KIF26B: variants seen among roughly 807,000 people sequenced by gnomAD.
KIF26B encodes kinesin family member 26B.
KIF26B carries 63 observed loss-of-function variants against 151.2 expected under a neutral mutation model. That is an observed-to-expected ratio of 0.42 (90% CI 0.34 to 0.51). The LOEUF (loss-of-function observed/expected upper bound fraction) is 0.51. Ranked by LOEUF, KIF26B falls within the 20% of genes least tolerant of loss-of-function variation. KIF26B has a pLI of 0.07. For synonymous variants in KIF26B, 1,357 were observed against 1,262.1 expected (o/e 1.08, Z -1.59); for missense variants, 2,813 against 2,913.6 (o/e 0.97, Z 0.79).
chr1:245,399,491 C>T (rs1046267729), intron 3 of KIF26B, among the ~76,000 whole-genome samples: 3 of 152,084 alleles, frequency 2.0e-5, no homozygotes, highest in African/African-American at 7.2e-5. Context: ...GTTGTCAATC[C>T]GACTTATTGC....
At chr1:245,596,290 A>C (rs2043335556) in intron 5 of KIF26B, among the ~76,000 whole-genome samples, 1 of 152,134 alleles carries the variant, frequency 6.6e-6, no homozygotes, top group Admixed American at 6.5e-5. Context: ...TCTCCTGTGG[A>C]CATTGAGTGC....
At chr1:245,268,154 A>G (rs77044508) in intron 2 of KIF26B, among the ~76,000 whole-genome samples, 4,638 of 152,038 alleles carry the variant, frequency 0.031, 86 homozygotes, top group African/African-American at 0.043. Context: ...GCTGGGTGAC[A>G]CAGCAGGACC....
rs368132676 is a variant in KIF26B, at chr1:245,393,413, T to C, written c.999+26046T>C. Reference sequence around the variant, plus strand: ...TTTGATACTTGGTTTTGTTTCATTCTGTTTCACTTTTATTCTTCCTGTATT... The same window carrying C: ...TTTGATACTTGGTTTTGTTTCATTCCGTTTCACTTTTATTCTTCCTGTATT... On this transcript the variant is annotated intron_variant, in intron 3 of 14. Coordinates refer to ENST00000407071, the MANE Select transcript of KIF26B (RefSeq NM_018012.4). 1.1e-4 allele frequency among the ~76,000 whole-genome samples: 16 copies of C among 152,360 alleles called. No individual in the cohort carries two copies. In the East Asian group the frequency reaches 2.9e-3, roughly 28 times the overall value.
chr1:245,523,094 A>G (rs964453409), intron 4 of KIF26B, among the ~76,000 whole-genome samples: 1 of 152,218 alleles, frequency 6.6e-6, no homozygotes, highest in Non-Finnish European at 1.5e-5. Flanking sequence ...ACTGTGGCAC[A>G]GGAAAGTTAA....
intron 4 of KIF26B, among the ~76,000 whole-genome samples, chr1:245,446,847 G>A (rs546787834): frequency 6.6e-6 from 1 of 152,232 alleles, no homozygotes; most frequent in Non-Finnish European, 1.5e-5. Context: ...GAAGCAAATC[G>A]TTACTGTGAT....
chr1:245,688,423 G>T lies in KIF26B; in HGVS notation c.5440G>T (p.Gly1814Cys). The stretch of plus-strand genomic sequence containing the variant: ...CGGGCGCATCTCGGAGCTGCTGCAG[G>T]GTGGCGCGGGCGCCCGGGGCTTGCA... Reference protein sequence around the residue: ...VSGRISELLQGGAGARGLQLR... With the variant: ...VSGRISELLQCGAGARGLQLR... The change falls in exon 12 of 15, where the codon GGT becomes TGT. Residue 1814 changes from glycine (G) to cysteine (C), a missense_variant. By Grantham distance (159) the Gly-to-Cys change is radical. This residue lies in a region of KIF26B where 2,060 missense variants were observed against 2,088.6 expected (regional missense o/e 0.99). Transcript: ENST00000407071. The T allele has an allele frequency of 7.0e-7, 1 of 1,430,272 alleles. No homozygotes were observed. Among genetic ancestry groups the T allele is most frequent in the African/African-American group, 1.5e-5 (1 of 67,114 alleles). The allele number at this position is 1,430,272 out of a possible 1,614,324, so 88.6% of individuals were successfully genotyped here.
chr1:245,385,411 G>T (rs1244072515), intron 3 of KIF26B, among the ~76,000 whole-genome samples: 4 of 152,206 alleles, frequency 2.6e-5, no homozygotes, highest in Non-Finnish European at 5.9e-5. Flanking sequence ...TATAATCTCT[G>T]TATGGACATC....
At chr1:245,655,447 C>T (rs12745738) in intron 10 of KIF26B, among the ~76,000 whole-genome samples, 14,783 of 152,240 alleles carry the variant, frequency 0.097, 827 homozygotes, top group Middle Eastern at 0.13. Flanking sequence ...TACCGTCTAT[C>T]GAAATGAACC....
chr1:245,404,209 ATTT>A lies in KIF26B; in HGVS notation c.1000-15357_1000-15355del, dbSNP rs11455837. On this transcript the variant is annotated intron_variant, in intron 3 of 14. Coordinates refer to ENST00000407071, the MANE Select transcript of KIF26B (RefSeq NM_018012.4). ...TTTTTGAGGAATTGCAACAAGACTG[ATTT>A]TTTTTTTTTTTTATAAAGCGTAGAG... Among the ~76,000 whole-genome samples, 220 of 147,876 alleles carry A rather than the reference ATTT, an allele frequency of 1.5e-3. 1 individual carries two copies. The highest frequency in any genetic ancestry group is 5.1e-3 in the African/African-American group (206 of 40,450).
intron 10 of KIF26B, among the ~76,000 whole-genome samples, chr1:245,675,921 A>C (rs565696215): frequency 6.6e-6 from 1 of 152,318 alleles, no homozygotes; most frequent in South Asian, 2.1e-4. Flanking sequence ...GTTTAATAGA[A>C]GAAAGAGCTT....
intron 3 of KIF26B, among the ~76,000 whole-genome samples, chr1:245,402,781 G>C (rs1674037240): frequency 6.6e-6 from 1 of 152,178 alleles, no homozygotes; most frequent in South Asian, 2.1e-4. Flanking sequence ...TCTGGGCTAA[G>C]GCCGGTCTAG....
At chr1:245,596,325 T>G (rs1286633195) in intron 5 of KIF26B, among the ~76,000 whole-genome samples, 6 of 152,248 alleles carry the variant, frequency 3.9e-5, no homozygotes, top group South Asian at 2.1e-4. Context: ...TAAACATTGC[T>G]TTAAATGTGT....
intron 10 of KIF26B, among the ~76,000 whole-genome samples, chr1:245,678,521 T>A (rs1313162205): frequency 6.6e-6 from 1 of 152,188 alleles, no homozygotes; most frequent in Non-Finnish European, 1.5e-5. Flanking sequence ...GTAAGAATTC[T>A]GTGTGTGTAG....
chr1:245,157,407 T>C (rs1321371984), intron 2 of KIF26B, among the ~76,000 whole-genome samples: 4 of 152,254 alleles, frequency 2.6e-5, no homozygotes, highest in Non-Finnish European at 4.4e-5. Context: ...TCAAAGAGTT[T>C]TTATCAGTGG....
intron 2 of KIF26B, among the ~76,000 whole-genome samples, chr1:245,250,236 T>A (rs1343573994): frequency 3.3e-5 from 5 of 152,164 alleles, no homozygotes; most frequent in African/African-American, 1.2e-4. Context: ...CCTACATCTC[T>A]TTGTAGGTAG....
intron 5 of KIF26B, among the ~76,000 whole-genome samples, chr1:245,593,877 G>C (rs1185373918): frequency 1.3e-5 from 2 of 152,338 alleles, no homozygotes; most frequent in East Asian, 3.9e-4. Flanking sequence ...ACTGGTGTGA[G>C]ATGGTATCTC....
chr1:245,376,173 A>G (rs1425014999), intron 3 of KIF26B, among the ~76,000 whole-genome samples: 1 of 152,138 alleles, frequency 6.6e-6, no homozygotes, highest in Non-Finnish European at 1.5e-5. Flanking sequence ...TTTTGATCTG[A>G]TAGAAGGAGA....
chr1:245,272,236 C>T (rs1347052223), intron 2 of KIF26B, among the ~76,000 whole-genome samples: 2 of 151,906 alleles, frequency 1.3e-5, no homozygotes, highest in African/African-American at 2.4e-5. Flanking sequence ...TGGACCTTTT[C>T]TCCTTTTTTC....
chr1:245,549,833 T>G (rs1265851598), intron 5 of KIF26B, among the ~76,000 whole-genome samples: 1 of 151,972 alleles, frequency 6.6e-6, no homozygotes, highest in Non-Finnish European at 1.5e-5. Flanking sequence ...CAGGCTGGAA[T>G]GCAATGGCAC....
Sources: gnomAD v4.1 joint callset for allele counts (sites outside exome capture counted in the v4.1 genomes callset) on GRCh38, gnomAD v4.1.1 for gene constraint, gnomAD v4.1.1 regional missense constraint, MANE v1.5 for transcripts, NCBI Gene and HGNC (gene_info 2026-07-23, HGNC 2026-07-21) for gene names.